The following ALG13 variants were observed in gnomAD, a reference collection of about 807,000 sequenced individuals.
The protein encoded by ALG13 is UDP-N-acetylglucosamine transferase subunit ALG13.
In ALG13, 11 loss-of-function variants were observed where a neutral mutation model predicts 87.8. The observed-to-expected ratio is 0.13, with a 90% CI of 0.08 to 0.21. ALG13 has a LOEUF of 0.21. Ranked by LOEUF, ALG13 falls within the 10% of genes least tolerant of loss-of-function variation. The pLI is 1.00. For synonymous variants in ALG13, 320 were observed against 306.3 expected (o/e 1.04, Z -0.47); for missense variants, 756 against 866.1 (o/e 0.87, Z 1.60).
chrX:111,713,940 ATTATT>A (rs1940188171), intron 8 of ALG13, among the ~76,000 whole-genome samples: 1 of 111,945 alleles, frequency 8.9e-6, no homozygotes, highest in Non-Finnish European at 1.9e-5. Context: ...CTTTATCCTG[ATTATT>A]TTATTAGTGA....
intron 3 of ALG13, among the ~76,000 whole-genome samples, chrX:111,691,217 C>T (rs1027026301): frequency 9.0e-6 from 1 of 110,929 alleles, no homozygotes; most frequent in Non-Finnish European, 1.9e-5. Flanking sequence ...TCTCCTGTCT[C>T]TGCCTCCCGA....
At chrX:111,698,325 G>A (rs1324125389) in intron 3 of ALG13, among the ~76,000 whole-genome samples, 4 of 111,756 alleles carry the variant, frequency 3.6e-5, no homozygotes. Context: ...GAATGATTAT[G>A]TCAAGCTAAT....
At chrX:111,702,543 C>T (rs754110683) in intron 3 of ALG13, among the ~76,000 whole-genome samples, 37 of 111,673 alleles carry the variant, frequency 3.3e-4, no homozygotes, top group Non-Finnish European at 6.2e-4. Flanking sequence ...GTACATCTCT[C>T]ATTATATTCA....
rs6642933 is a variant in ALG13, at chrX:111,707,428, T to C, written c.384-599T>C. On this transcript the variant is annotated intron_variant, in intron 3 of 26. Transcript: ENST00000394780. ...AGCATGGCTAATAAGATTTAGTTTC[T>C]GTGATCCTGGCAGAGATTATTATCT... Among the ~76,000 whole-genome samples the C allele has an allele frequency of 3.6e-3, 410 of 112,419 alleles. 3 individuals are homozygous for C. The highest frequency in any genetic ancestry group is 0.013 in the African/African-American group (390 of 31,016).
chrX:111,737,049 G>T, intron 23 of ALG13, 170 bp downstream of exon 23: 2 of 414,822 alleles, frequency 4.8e-6, no homozygotes, highest in Non-Finnish European at 3.7e-6. Flanking sequence ...TGAGAGTCAG[G>T]GATTCAAGTT....
chrX:111,718,491 T>G (rs1287140322), intron 10 of ALG13, among the ~76,000 whole-genome samples: 2 of 111,561 alleles, frequency 1.8e-5, no homozygotes, highest in Admixed American at 1.9e-4. Context: ...CCGTTTTGTA[T>G]TGCTAGAAGA....
intron 5 of ALG13, chrX:111,711,054 A>G (rs888623172): frequency 1.8e-5 from 2 of 112,786 alleles, no homozygotes; most frequent in African/African-American, 6.4e-5. Context: ...ATTTTTTAAA[A>G]GTCTAGTGAT....
In ALG13 at chrX:111,753,877, G is replaced by A. The variant is rs141868108; in HGVS notation, c.2973+1047G>A. Among the ~76,000 whole-genome samples, 448 of 111,685 alleles carry A rather than the reference G, an allele frequency of 4.0e-3. 2 individuals carry two copies. Among genetic ancestry groups the A allele is most frequent in the Non-Finnish European group, 5.7e-3 (303 of 53,072 alleles). On this transcript the variant is annotated intron_variant, in intron 25 of 26. Coordinates refer to ENST00000394780, the MANE Select transcript of ALG13 (RefSeq NM_001099922.3). ...GGAGCTGGTACTATTCCTTCTGAACGATTCCAATCAATAGAAAGAGAGGAA... is the reference window on the plus strand; with the variant it reads ...GGAGCTGGTACTATTCCTTCTGAACAATTCCAATCAATAGAAAGAGAGGAA...
intron 10 of ALG13, among the ~76,000 whole-genome samples, chrX:111,719,681 T>C (rs915754643): frequency 8.9e-6 from 1 of 112,043 alleles, no homozygotes; most frequent in Admixed American, 9.5e-5. Flanking sequence ...TCATGGTTCT[T>C]GGCAGCATTC....
intron 25 of ALG13, chrX:111,753,143 A>G (rs1019127637): frequency 6.1e-6 from 1 of 165,078 alleles, no homozygotes; most frequent in African/African-American, 3.0e-5. Context: ...TTCTGTCTCA[A>G]AATAAATGAA....
intron 19 of ALG13, among the ~76,000 whole-genome samples, chrX:111,729,831 G>A (rs187081297): frequency 1.8e-5 from 2 of 111,636 alleles, no homozygotes; most frequent in East Asian, 5.6e-4. Context: ...AACAGATGAG[G>A]CATACATGTT....
In ALG13 at chrX:111,688,007, A is replaced by G. The variant is rs756431362; in HGVS notation, c.383+2904A>G. 129 of 1,142,849 alleles carry G rather than the reference A, an allele frequency of 1.1e-4. No homozygotes were observed. The Admixed American group carries it at 3.4e-3, about 30-fold the overall frequency. The allele number at this position is 1,142,849 out of a possible 1,213,427, so 94.2% of individuals were successfully genotyped here. ...TTGTTGGATTACAAAAATAAACACT[A>G]AACTCTCAACACTTTAAAAGCAACC... On this transcript the variant is annotated intron_variant, in intron 3 of 26. Transcript: ENST00000394780.
Position 111,722,817 on chromosome X carries a change from A to C in ALG13, c.1460A>C (p.Glu487Ala), listed in dbSNP as rs1388459532. 8.3e-7 allele frequency: 1 copy of C among 1,200,905 alleles called. No homozygotes were observed. Among genetic ancestry groups the C allele is most frequent in the Non-Finnish European group, 1.1e-6 (1 of 887,885 alleles). Reference protein sequence around the residue: ...RKELQKSDYMEYAGRQYYLGD... With the variant: ...RKELQKSDYMAYAGRQYYLGD... The stretch of plus-strand genomic sequence containing the variant: ...GAACTTCAAAAATCTGATTACATGG[A>C]GTATGCTGGGAGACAGTACTATTTG... The change falls in exon 13 of 27, where the codon GAG (glutamate) becomes GCG (alanine). Residue 487 changes from glutamate to alanine, a missense_variant. Transcript: ENST00000394780.
chrX:111,722,065 C>G (rs772131267), intron 12 of ALG13, among the ~76,000 whole-genome samples: 21 of 111,931 alleles, frequency 1.9e-4, no homozygotes, highest in African/African-American at 6.5e-4. Flanking sequence ...TCAAATCTGA[C>G]ACACCAACTG....
At chrX:111,695,480 G>A (rs1295932496) in intron 3 of ALG13, among the ~76,000 whole-genome samples, 2 of 107,061 alleles carry the variant, frequency 1.9e-5, no homozygotes, top group Non-Finnish European at 3.8e-5. Flanking sequence ...CCAAGATTGC[G>A]CCATTGCACT....
At chrX:111,759,227 T>C (rs1954252593) in intron 26 of ALG13, among the ~76,000 whole-genome samples, 1 of 108,685 alleles carries the variant, frequency 9.2e-6, no homozygotes, top group Admixed American at 9.9e-5. Flanking sequence ...AACTGACTCA[T>C]GGCAAAAGTG....
At chrX:111,744,926 G>A (rs771276304) in intron 24 of ALG13, 22 bp downstream of exon 24, 2 of 1,143,224 alleles carry the variant, frequency 1.7e-6, no homozygotes, top group East Asian at 6.0e-5. Context: ...TTGAGACTTA[G>A]GTGAGGGATC....
chrX:111,701,509 C>T (rs1479685939), intron 3 of ALG13, among the ~76,000 whole-genome samples: 2 of 111,894 alleles, frequency 1.8e-5, no homozygotes, highest in Non-Finnish European at 3.8e-5. Flanking sequence ...ATAGTAGTTT[C>T]TTGTGATCCT....
intron 3 of ALG13, chrX:111,690,386 G>A (rs937452932): frequency 1.3e-6 from 1 of 753,080 alleles, no homozygotes; most frequent in African/African-American, 2.3e-5. Context: ...GAACATTTAC[G>A]GGTTGGAGTA....
Sources: gnomAD v4.1 joint callset for allele counts (sites outside exome capture counted in the v4.1 genomes callset) on GRCh38, gnomAD v4.1.1 for gene constraint, MANE v1.5 for transcripts, NCBI Gene and HGNC (gene_info 2026-07-23, HGNC 2026-07-21) for gene names.